SLC13A4: variants seen among roughly 807,000 people sequenced by gnomAD.
SLC13A4 encodes the protein Na(+)/sulfate cotransporter SUT-1.
A neutral mutation model predicts 72.7 loss-of-function variants in SLC13A4; 28 were observed. The ratio of observed to expected loss-of-function variants is 0.39; its 90% CI spans 0.29 to 0.53. The LOEUF (loss-of-function observed/expected upper bound fraction) is 0.53, where lower values mean the gene tolerates loss of function less well. Ranked by LOEUF, SLC13A4 falls within the 20% of genes least tolerant of loss-of-function variation. The pLI, the probability that SLC13A4 is intolerant of heterozygous loss-of-function variation, is 0.78. For missense variants in SLC13A4, 653 were observed against 788.0 expected, an observed-to-expected ratio of 0.83 and a Z score of 2.05; for synonymous variants, 312 against 325.5, an observed-to-expected ratio of 0.96 and a Z score of 0.45.
At position 135,712,952 on chromosome 7, in the gene SLC13A4, G is replaced by A. The variant is rs75121223; in HGVS notation, c.229-4702C>T. 6.6e-3 allele frequency among the ~76,000 whole-genome samples: 1,012 copies of A among 152,248 alleles called. 7 individuals carry two copies. Among genetic ancestry groups the A allele is most frequent in the Non-Finnish European group, 0.011 (753 of 68,016 alleles). ...CTCCCCATCATAGCCTCTGCCCAGG[G>A]AGCCTCTTATCGCTCTTGCCCTTGG... On this transcript the variant is annotated intron_variant, in intron 2 of 15. Coordinates refer to ENST00000682651, the MANE Select transcript of SLC13A4 (RefSeq NM_001318192.2).
At position 135,684,210 on chromosome 7, in the gene SLC13A4, A is replaced by G; in HGVS notation, c.1660T>C (p.Cys554Arg). The G allele has an allele frequency of 6.2e-7, 1 of 1,613,228 alleles. No homozygotes were observed. Residue 554 changes from cysteine to arginine, a missense_variant, in exon 15 of 16, where the codon TGC (cysteine) becomes CGC (arginine). By Grantham distance (180) the Cys-to-Arg change is radical. Transcript: ENST00000682651. ...PLYTLIPVTM[C>R]ISFAVMLPVG... Reference sequence around the variant, plus strand: ...GGCAGCATCACTGCAAAGGAGATGCACATGGTGACTGGGATCAGGGTGTAG... The same window carrying G: ...GGCAGCATCACTGCAAAGGAGATGCGCATGGTGACTGGGATCAGGGTGTAG...
chr7:135,704,127 A>G (rs1447301919), intron 5 of SLC13A4: 2 of 152,302 alleles, frequency 1.3e-5, no homozygotes, highest in Admixed American at 6.5e-5. Context: ...GGGAGGAGAA[A>G]AGGCCACAGT....
chr7:135,693,115 AAAAAAAAAAAT>A (rs1795827865), intron 10 of SLC13A4: 1 of 151,602 alleles, frequency 6.6e-6, no homozygotes, highest in African/African-American at 2.4e-5. Context: ...AAAAAAAAAA[AAAAAAAAAAAT>A]AGTTGGTCAT....
chr7:135,694,200 GTCT>G lies in SLC13A4; in HGVS notation c.1055_1057del (p.Lys352del), dbSNP rs757838313. ...CTTCTCTGACAACTGTTCCCTTTTGGTCTTCTTCTTCTTGCTCAGAGAGCAGGT... is the reference window on the plus strand; with the variant it reads ...CTTCTCTGACAACTGTTCCCTTTTGGTCTTCTTCTTGCTCAGAGAGCAGGT... On this transcript the variant is annotated inframe_deletion, in exon 10 of 16. Coordinates refer to ENST00000682651, the MANE Select transcript of SLC13A4 (RefSeq NM_001318192.2). The G allele has an allele frequency of 3.9e-5, 63 of 1,612,656 alleles. 1 individual carries two copies. The highest frequency in any genetic ancestry group is 1.3e-4 in the East Asian group (6 of 44,864).
Position 135,727,381 on chromosome 7 carries a change from C to A in SLC13A4, c.99+17G>T. 6.5e-7 allele frequency: 1 copy of A among 1,547,986 alleles called. No homozygotes were observed. Among genetic ancestry groups the A allele is most frequent in the South Asian group, 1.2e-5 (1 of 83,870 alleles). ...CACTGACTCCCAGACCCCCGGTGGG[C>A]GCAGGTCGGTACTCACGCTGCTGGG... On this transcript the variant is annotated intron_variant, in intron 1 of 15. Coordinates refer to ENST00000682651, the MANE Select transcript of SLC13A4 (RefSeq NM_001318192.2).
intron 2 of SLC13A4, among the ~76,000 whole-genome samples, chr7:135,719,780 CATGTGTGTGTGTGTGTGTGTGT>C (rs1796502655): frequency 7.2e-6 from 1 of 138,536 alleles, no homozygotes; most frequent in Non-Finnish European, 1.6e-5. Flanking sequence ...CTCAATGCCA[CATGTGTGTGTGTGTGTGTGTGT>C]ATGTGTGTGT....
chr7:135,705,584 A>G lies in SLC13A4; in HGVS notation c.593+12T>C. 1 of 1,613,520 alleles carries G rather than the reference A, an allele frequency of 6.2e-7. No individual in the cohort carries two copies. Among genetic ancestry groups the G allele is most frequent in the South Asian group, 1.1e-5 (1 of 91,040 alleles). ...TGAGAGGCGCTGTCTGGGAGAGGGC[A>G]GTCATACTCACTCTTCATTGACAAA... On this transcript the variant is annotated intron_variant, in intron 5 of 15. Coordinates refer to ENST00000682651, the MANE Select transcript of SLC13A4 (RefSeq NM_001318192.2).
At chr7:135,690,526 C>T (rs191031935) in intron 13 of SLC13A4, among the ~76,000 whole-genome samples, 211 of 152,296 alleles carry the variant, frequency 1.4e-3, no homozygotes, top group African/African-American at 4.6e-3. Context: ...CCTATTACCA[C>T]TCCTATTACC....
intron 8 of SLC13A4, among the ~76,000 whole-genome samples, chr7:135,696,940 C>A (rs989261978): frequency 1.3e-5 from 2 of 152,228 alleles, no homozygotes; most frequent in African/African-American, 2.4e-5. Context: ...GATTTCCCTT[C>A]CCTCTCTGCT....
chr7:135,695,635 C>T (rs1795884200), intron 8 of SLC13A4, 148 bp from the exon 9 acceptor site: 1 of 853,332 alleles, frequency 1.2e-6, no homozygotes, highest in Non-Finnish European at 1.8e-6. Flanking sequence ...GCCTAGGACT[C>T]ATTTAGTTGA....
chr7:135,719,780 CATGTGTGTGTGTGTGTGTGTGTAT>C (rs796236362), intron 2 of SLC13A4, among the ~76,000 whole-genome samples: 1 of 138,536 alleles, frequency 7.2e-6, no homozygotes, highest in Non-Finnish European at 1.6e-5. Context: ...CTCAATGCCA[CATGTGTGTGTGTGTGTGTGTGTAT>C]GTGTGTGTGT....
rs1260966968 is a variant in SLC13A4 at position 135,706,153 on chromosome 7, G to A, written c.513C>T (p.Ser171=). The change falls in exon 4 of 16, where the codon TCC becomes TCT. Residue 171 remains serine (S), a synonymous_variant. Transcript: ENST00000682651. ...AEDEQLVAGN[S]NTEEAEPISL... ...TGATGGGTTCGGCCTCTTCGGTGTT[G>A]GAGTTGCCCGCCACGAGCTGCTCGT... 1 of 1,606,162 alleles carries A rather than the reference G, an allele frequency of 6.2e-7. No homozygotes were observed. The highest frequency in any genetic ancestry group is 1.1e-5 in the South Asian group (1 of 90,664).
In SLC13A4 at chr7:135,692,382, G is replaced by C. The variant is rs191462278; in HGVS notation, c.1164C>G (p.Thr388=). The change falls in exon 11 of 16, where the codon ACC becomes ACG. Residue 388 remains threonine (T), a synonymous_variant. Coordinates refer to ENST00000682651, the MANE Select transcript of SLC13A4 (RefSeq NM_001318192.2). ...CAGGCTCCCGGGTAAACCACAGTAC[G>C]GTCATCAGGATGAAGAAAAATCCAG... ...MVTGFFFILM[T]VLWFTREPGF... 4 of 1,613,694 alleles carry C rather than the reference G, an allele frequency of 2.5e-6. No homozygotes were observed. The African/African-American group carries it at 5.3e-5, about 22-fold the overall frequency.
At chr7:135,718,257 G>A (rs900400639) in intron 2 of SLC13A4, among the ~76,000 whole-genome samples, 1 of 151,958 alleles carries the variant, frequency 6.6e-6, no homozygotes, top group Admixed American at 6.6e-5. Flanking sequence ...ATCATCCCAT[G>A]TTGCACCTGG....
At chr7:135,698,186 C>T in intron 8 of SLC13A4, among the ~76,000 whole-genome samples, 1 of 151,850 alleles carries the variant, frequency 6.6e-6, no homozygotes, top group Admixed American at 6.6e-5. Context: ...GCACCTGCTA[C>T]CATGCCTGGT....
chr7:135,726,978 A>G (rs1468180263), intron 1 of SLC13A4, among the ~76,000 whole-genome samples: 1 of 152,108 alleles, frequency 6.6e-6, no homozygotes, highest in East Asian at 1.9e-4. Flanking sequence ...CCTCAGTGCC[A>G]CTATTGGGAG....
At chr7:135,702,682 T>A in intron 6 of SLC13A4, 163 bp downstream of exon 6, 1 of 688,088 alleles carries the variant, frequency 1.5e-6, no homozygotes, top group Non-Finnish European at 2.6e-6. Flanking sequence ...AGCCAATGTG[T>A]CCTTTTTAAT....
In SLC13A4 at chr7:135,699,446, T is replaced by A; in HGVS notation, c.817A>T (p.Ile273Leu). 1 of 1,613,528 alleles carries A rather than the reference T, an allele frequency of 6.2e-7. No individual in the cohort carries two copies. The highest frequency in any genetic ancestry group is 8.5e-7 in the Non-Finnish European group (1 of 1,179,750). The stretch of plus-strand genomic sequence containing the variant: ...CCGCCAATGGTAGCGGAGTAGGATA[T>A]GCTCAGGGAGAGGCACTTGCAGATC... ...QMICKCLSLSISYSATIGGLT... is the reference protein window; with the variant it reads ...QMICKCLSLSLSYSATIGGLT... Residue 273 changes from isoleucine to leucine, a missense_variant, in exon 8 of 16, where the codon ATA becomes TTA. By Grantham distance (5) the Ile-to-Leu change is conservative. Coordinates refer to ENST00000682651, the MANE Select transcript of SLC13A4 (RefSeq NM_001318192.2).
intron 1 of SLC13A4, 42 bp from the exon 2 acceptor site, chr7:135,721,565 A>G: frequency 6.2e-7 from 1 of 1,610,092 alleles, no homozygotes; most frequent in Non-Finnish European, 8.5e-7. Context: ...AGGAATAGTC[A>G]CTGCCACTGA....
Sources: gnomAD v4.1 joint callset for allele counts (sites outside exome capture counted in the v4.1 genomes callset) on GRCh38, gnomAD v4.1.1 for gene constraint, MANE v1.5 for transcripts, NCBI Gene and HGNC (gene_info 2026-07-23, HGNC 2026-07-21) for gene names.